URAD: variants seen among roughly 807,000 people sequenced by gnomAD.
URAD encodes ureidoimidazoline (2-oxo-4-hydroxy-4-carboxy-5-) decarboxylase, also known as putative 2-oxo-4-hydroxy-4-carboxy-5-ureidoimidazoline decarboxylase.
URAD carries 4 observed loss-of-function variants against 4.6 expected under a neutral mutation model. The observed-to-expected ratio is 0.87, with a 90% CI of 0.43 to 1.98. URAD has a LOEUF of 1.98. URAD is among the 30% of genes most tolerant of loss of function. The pLI is 0.03. For synonymous variants in URAD, 144 were observed against 118.2 expected (o/e 1.22, Z -1.41); for missense variants, 300 against 255.3 (o/e 1.18, Z -1.19).
chr13:27,986,263 C>T (rs1870025594), intron 1 of URAD, among the ~76,000 whole-genome samples: 1 of 152,224 alleles, frequency 6.6e-6, no homozygotes, highest in Non-Finnish European at 1.5e-5. Flanking sequence ...CGATTTCATG[C>T]ATTCATTCAG....
At position 27,977,778 on chromosome 13, in the gene URAD, G is replaced by T. The variant is rs1028739821; in HGVS notation, c.*328C>A. 2 of 340,216 alleles carry T rather than the reference G, an allele frequency of 5.9e-6. No homozygotes were observed. The highest frequency in any genetic ancestry group is 4.3e-5 in the African/African-American group (2 of 46,894). The allele number at this position is 340,216 out of a possible 1,614,324, so 21.1% of individuals were successfully genotyped here. On this transcript the variant is annotated 3_prime_UTR_variant, in exon 2 of 2. Transcript: ENST00000332715. ...TTGCAGTTCGGGCTTAGCAGGAGAG[G>T]GTTGGGGAGAACTGGATAAACGCTT...
Position 27,988,658 on chromosome 13 carries a change from C to G in URAD, c.-21G>C, listed in dbSNP as rs1870107043. On this transcript the variant is annotated 5_prime_UTR_variant, in exon 1 of 2. Transcript: ENST00000332715. Reference sequence around the variant, plus strand: ...TCCATTCCTTGTATTCCACTGGAGACAGCGGGACGTCCAGCTCCCCTCTCG... The same window carrying G: ...TCCATTCCTTGTATTCCACTGGAGAGAGCGGGACGTCCAGCTCCCCTCTCG... 1 of 1,561,256 alleles carries G rather than the reference C, an allele frequency of 6.4e-7. No individual in the cohort carries two copies. The highest frequency in any genetic ancestry group is 1.4e-5 in the African/African-American group (1 of 73,350).
Position 27,978,344 on chromosome 13 carries a change from C to G in URAD, c.284G>C (p.Ser95Thr). The G allele has an allele frequency of 7.2e-7, 1 of 1,394,376 alleles. No individual in the cohort carries two copies. The highest frequency in any genetic ancestry group is 9.2e-7 in the Non-Finnish European group (1 of 1,082,066). The allele number at this position is 1,394,376 out of a possible 1,614,324, so 86.4% of individuals were successfully genotyped here. A position where few individuals can be genotyped will look rare whatever the true frequency, so the allele number is the denominator to read the frequency against. ...QREQSGAGLR[S>T]LGADERLRLA... ...CCGCAGCCGCTCGTCCGCGCCCAGG[C>G]TCCTCAGGCCTGCGCCGCTCTGTTC... The change falls in exon 2 of 2, where the codon AGC becomes ACC. Residue 95 changes from serine (S) to threonine (T), a missense_variant. Transcript: ENST00000332715.
rs1869751787 is a variant in URAD, at chr13:27,977,738, T to G, written c.*368A>C. 1 of 253,416 alleles carries G rather than the reference T, an allele frequency of 3.9e-6. No individual in the cohort carries two copies. Among genetic ancestry groups the G allele is most frequent in the Non-Finnish European group, 7.5e-6 (1 of 133,562 alleles). 15.7% of individuals were successfully genotyped at this position (253,416 alleles called of 1,614,324 possible). On this transcript the variant is annotated 3_prime_UTR_variant, in exon 2 of 2. Coordinates refer to ENST00000332715, the MANE Select transcript of URAD (RefSeq NM_001105577.2). ...CCGCTGTGGCATAAAAGATTCCTTT[T>G]CCGTCCGTTTTGCTTTGCAGTTCGG...
At chr13:27,981,727 T>C (rs1297428666) in intron 1 of URAD, among the ~76,000 whole-genome samples, 1 of 152,136 alleles carries the variant, frequency 6.6e-6, no homozygotes, top group Non-Finnish European at 1.5e-5. Flanking sequence ...GGCCAACCCC[T>C]CCATTTGTGT....
At chr13:27,984,863 C>T (rs540559355) in intron 1 of URAD, among the ~76,000 whole-genome samples, 35 of 152,172 alleles carry the variant, frequency 2.3e-4, no homozygotes, top group African/African-American at 6.3e-4. Context: ...CCTGTAATCC[C>T]GGCTACTCCG....
Position 27,978,049 on chromosome 13 carries a change from G to A in URAD, c.*57C>T. ...CCTCCCGCCCAGGACGCACAGCTCC[G>A]GGCCGTGGCCCCCGCGCGTCCGGTT... On this transcript the variant is annotated 3_prime_UTR_variant, in exon 2 of 2. Coordinates refer to ENST00000332715, the MANE Select transcript of URAD (RefSeq NM_001105577.2). 2 of 1,368,638 alleles carry A rather than the reference G, an allele frequency of 1.5e-6. No individual in the cohort carries two copies. The highest frequency in any genetic ancestry group is 2.5e-4 in the Middle Eastern group (1 of 4,056). 84.8% of individuals were successfully genotyped at this position (1,368,638 alleles called of 1,614,324 possible).
At chr13:27,978,556 C>T (rs1869788044) in intron 1 of URAD, 104 bp from the exon 2 acceptor site, 2 of 867,134 alleles carry the variant, frequency 2.3e-6, no homozygotes, top group African/African-American at 1.8e-5. Context: ...CTGCCCCGCC[C>T]CGCCCCGCCC....
chr13:27,987,359 A>T (rs1489249962), intron 1 of URAD, among the ~76,000 whole-genome samples: 1 of 152,054 alleles, frequency 6.6e-6, no homozygotes, highest in Admixed American at 6.6e-5. Context: ...CCACACCAAG[A>T]AGTGCCTCAT....
intron 1 of URAD, among the ~76,000 whole-genome samples, chr13:27,983,377 G>A (rs936989298): frequency 2.6e-5 from 4 of 151,970 alleles, no homozygotes; most frequent in East Asian, 1.9e-4. Context: ...TTACTGGTGC[G>A]TGCTACCATG....
At chr13:27,986,176 C>A (rs759168788) in intron 1 of URAD, among the ~76,000 whole-genome samples, 56 of 152,192 alleles carry the variant, frequency 3.7e-4, no homozygotes, top group Non-Finnish European at 6.8e-4. Context: ...CACTGACCTA[C>A]CACTGAGTCA....
In URAD at chr13:27,978,005, T is replaced by G; in HGVS notation, c.*101A>C. ...TTCCTTTGTGCACGTGTGTGGACGC[T>G]GTTCCAGGCCCGAGTCCGCCTCCCG... On this transcript the variant is annotated 3_prime_UTR_variant, in exon 2 of 2. Coordinates refer to ENST00000332715, the MANE Select transcript of URAD (RefSeq NM_001105577.2). The G allele has an allele frequency of 1.0e-6, 1 of 987,744 alleles. No homozygotes were observed. Among genetic ancestry groups the G allele is most frequent in the Non-Finnish European group, 1.4e-6 (1 of 726,460 alleles). 61.2% of individuals were successfully genotyped at this position (987,744 alleles called of 1,614,324 possible). A position where few individuals can be genotyped will look rare whatever the true frequency, so the allele number is the denominator to read the frequency against.
At chr13:27,982,188 T>C (rs1245634274) in intron 1 of URAD, among the ~76,000 whole-genome samples, 1 of 152,162 alleles carries the variant, frequency 6.6e-6, no homozygotes, top group Non-Finnish European at 1.5e-5. Flanking sequence ...CCCAGCACTT[T>C]GGGAGGCCGA....
intron 1 of URAD, among the ~76,000 whole-genome samples, chr13:27,984,406 T>C (rs1869959572): frequency 6.6e-6 from 1 of 152,208 alleles, no homozygotes; most frequent in South Asian, 2.1e-4. Context: ...AGAAGGTACT[T>C]TGCCCAATAG....
chr13:27,978,562 CGCCCG>C (rs1273385991), intron 1 of URAD, 110 bp from the exon 2 acceptor site: 2 of 818,572 alleles, frequency 2.4e-6, no homozygotes, highest in Admixed American at 4.4e-5. Context: ...CGCCCCGCCC[CGCCCG>C]GCCCCAAAGA....
At chr13:27,986,870 A>G (rs1433793062) in intron 1 of URAD, among the ~76,000 whole-genome samples, 1 of 152,182 alleles carries the variant, frequency 6.6e-6, no homozygotes, top group Non-Finnish European at 1.5e-5. Context: ...CCCTTCACTC[A>G]TCAGGCTGGG....
At chr13:27,985,373 G>T (rs1482112872) in intron 1 of URAD, among the ~76,000 whole-genome samples, 1 of 152,130 alleles carries the variant, frequency 6.6e-6, no homozygotes, top group Admixed American at 6.5e-5. Context: ...CAGGAGAATC[G>T]CTTGAACCCG....
chr13:27,983,418 CG>C (rs1566042636), intron 1 of URAD, among the ~76,000 whole-genome samples: 1 of 151,810 alleles, frequency 6.6e-6, no homozygotes, highest in Admixed American at 6.6e-5. Context: ...TAGTAGAGAC[CG>C]GGTTTCACCG....
At chr13:27,980,688 G>A (rs1485851411) in intron 1 of URAD, among the ~76,000 whole-genome samples, 13 of 152,188 alleles carry the variant, frequency 8.5e-5, no homozygotes, top group Non-Finnish European at 1.9e-4. Flanking sequence ...GTCCGGGCGC[G>A]GGGTCTGTCG....
Sources: gnomAD v4.1 joint callset for allele counts (sites outside exome capture counted in the v4.1 genomes callset) on GRCh38, gnomAD v4.1.1 for gene constraint, MANE v1.5 for transcripts, NCBI Gene and HGNC (gene_info 2026-07-23, HGNC 2026-07-21) for gene names.